TLN2: variants seen among roughly 807,000 people sequenced by gnomAD.
The protein encoded by TLN2 is talin-2.
Under a neutral mutation model 294.7 loss-of-function variants are expected in TLN2, and 118 were observed. The observed-to-expected ratio is 0.40, with a 90% CI of 0.34 to 0.47. TLN2 has a LOEUF of 0.47. TLN2 is among the 20% of genes least tolerant of loss of function. The probability of loss-of-function intolerance (pLI) is 0.84; values close to 1 mark genes in which losing one functional copy is unlikely to be tolerated. For synonymous variants in TLN2, 1,431 were observed against 1,304.5 expected, an observed-to-expected ratio of 1.10 and a Z score of -2.09; for missense variants, 3,083 against 3,282.2, an observed-to-expected ratio of 0.94 and a Z score of 1.48.
At chr15:62,509,952 A>C (rs1261637340) in intron 1 of TLN2, among the ~76,000 whole-genome samples, 1 of 152,264 alleles carries the variant, frequency 6.6e-6, no homozygotes, top group Non-Finnish European at 1.5e-5. Context: ...TAAGGATATT[A>C]GTTTCAAATT....
chr15:62,570,791 T>G (rs1444819141), intron 1 of TLN2, among the ~76,000 whole-genome samples: 1 of 152,202 alleles, frequency 6.6e-6, no homozygotes, highest in Non-Finnish European at 1.5e-5. Flanking sequence ...ACTGAATGTC[T>G]CCTGCATGGG....
intron 3 of TLN2, among the ~76,000 whole-genome samples, chr15:62,621,981 G>A (rs2048873617): frequency 6.8e-6 from 1 of 147,184 alleles, no homozygotes; most frequent in Non-Finnish European, 1.5e-5. Flanking sequence ...GCACATTTAG[G>A]AAAATCTTGC....
At chr15:62,597,874 C>A (rs185996408) in intron 2 of TLN2, among the ~76,000 whole-genome samples, 58 of 152,236 alleles carry the variant, frequency 3.8e-4, no homozygotes, top group Admixed American at 2.2e-3. Flanking sequence ...CAAAGTTTTA[C>A]TGTATGTTGA....
chr15:62,391,360 G>A (rs2032072286), intron 1 of TLN2, among the ~76,000 whole-genome samples: 1 of 152,242 alleles, frequency 6.6e-6, no homozygotes, highest in Non-Finnish European at 1.5e-5. Context: ...GGCCGAGAGC[G>A]GGGCCAGGCT....
intron 44 of TLN2, among the ~76,000 whole-genome samples, 199 bp downstream of exon 44, chr15:62,781,440 T>A (rs4774450): frequency 0.98 from 149,609 of 152,276 alleles, 73,542 homozygotes; most frequent in Middle Eastern, 1. Flanking sequence ...TGCAGTTCTT[T>A]TCTCATGAAA....
chr15:62,837,059 TGTAA>T (rs772774890), intron 57 of TLN2, among the ~76,000 whole-genome samples: 3 of 152,250 alleles, frequency 2.0e-5, no homozygotes, highest in Non-Finnish European at 4.4e-5. Context: ...ATTTTTTTAT[TGTAA>T]GTGTTAAAAT....
chr15:62,831,372 T>C (rs2068828418), intron 54 of TLN2: 1 of 152,116 alleles, frequency 6.6e-6, no homozygotes, highest in Non-Finnish European at 1.5e-5. Context: ...TCAAAAATTC[T>C]GTGATTTCCC....
At chr15:62,732,500 A>G (rs1330232052) in intron 28 of TLN2, among the ~76,000 whole-genome samples, 1 of 152,212 alleles carries the variant, frequency 6.6e-6, no homozygotes, top group Non-Finnish European at 1.5e-5. Context: ...TCAGATCCTA[A>G]AGGGCCTCAT....
At position 62,655,982 on chromosome 15, in the gene TLN2, G is replaced by A; in HGVS notation, c.556G>A (p.Gly186Arg). 6.2e-7 allele frequency: 1 copy of A among 1,614,206 alleles called. No homozygotes were observed. Among genetic ancestry groups the A allele is most frequent in the Non-Finnish European group, 8.5e-7 (1 of 1,180,032 alleles). Residue 186 changes from glycine to arginine, a missense_variant, in exon 8 of 59, where the codon GGA becomes AGA. Physicochemically the swap from Gly to Arg is moderately radical, Grantham distance 125 (BLOSUM62 -2). Transcript: ENST00000636159. ...TCACAGCCGAACATTCAGAGAACAA[G>A]GAGTAGATGAAAACGAAACGTTGCT... ...LDHSRTFREQ[G>R]VDENETLLLR... is the part of the protein sequence containing the mutation.
intron 54 of TLN2, chr15:62,830,738 GAC>G (rs1313577057): frequency 6.6e-6 from 1 of 152,168 alleles, no homozygotes; most frequent in Non-Finnish European, 1.5e-5. Context: ...GGAAAATAGG[GAC>G]ACAGCAGTCA....
At chr15:62,475,841 TCAGA>T (rs1419585850) in intron 1 of TLN2, among the ~76,000 whole-genome samples, 1 of 152,006 alleles carries the variant, frequency 6.6e-6, no homozygotes, top group Non-Finnish European at 1.5e-5. Context: ...CAGTTAGGAG[TCAGA>T]CAGAGTAAGA....
intron 14 of TLN2, among the ~76,000 whole-genome samples, chr15:62,696,317 C>T (rs1186658515): frequency 6.6e-6 from 1 of 152,234 alleles, no homozygotes; most frequent in East Asian, 1.9e-4. Flanking sequence ...GTCCACTGGG[C>T]TTCTGAGGAA....
At chr15:62,701,843 G>A (rs896628903) in intron 17 of TLN2, 149 bp from the exon 18 acceptor site, 1 of 854,852 alleles carries the variant, frequency 1.2e-6, no homozygotes, top group Non-Finnish European at 1.8e-6. Flanking sequence ...CGGAGACAGG[G>A]AGCAGGCCAG....
chr15:62,427,781 G>T (rs1178497224), intron 1 of TLN2, among the ~76,000 whole-genome samples: 1 of 152,180 alleles, frequency 6.6e-6, no homozygotes, highest in African/African-American at 2.4e-5. Flanking sequence ...AGCTTTGGGG[G>T]TCTCTTCCTT....
chr15:62,458,937 A>C (rs918074372), intron 1 of TLN2, among the ~76,000 whole-genome samples: 1 of 151,802 alleles, frequency 6.6e-6, no homozygotes, highest in African/African-American at 2.4e-5. Flanking sequence ...TAGTGGCTAA[A>C]CCTCTATTTA....
chr15:62,544,630 G>A (rs1341529324), intron 1 of TLN2, among the ~76,000 whole-genome samples: 1 of 152,024 alleles, frequency 6.6e-6, no homozygotes, highest in African/African-American at 2.4e-5. Context: ...TGGCTTATCT[G>A]CCACTGCGCC....
Position 62,409,126 on chromosome 15 carries a change from A to G in TLN2, c.-238+18441A>G, listed in dbSNP as rs142522883. On this transcript the variant is annotated intron_variant, in intron 1 of 58. Transcript: ENST00000636159. ...CTAAGTAGCTGGGACCACAGGTGGCACCACCATGACTGACTGTTGGGGATT... is the reference window on the plus strand; with the variant it reads ...CTAAGTAGCTGGGACCACAGGTGGCGCCACCATGACTGACTGTTGGGGATT... Among the ~76,000 whole-genome samples the G allele has an allele frequency of 1.2e-3, 184 of 150,832 alleles. 6 individuals carry two copies. The East Asian group carries it at 0.032, about 26-fold the overall frequency.
intron 1 of TLN2, among the ~76,000 whole-genome samples, chr15:62,571,397 C>T (rs2043848727): frequency 6.6e-6 from 1 of 152,232 alleles, no homozygotes; most frequent in Non-Finnish European, 1.5e-5. Context: ...GCACTTTTTA[C>T]AGCCAGCCAG....
intron 54 of TLN2, chr15:62,829,112 AT>A (rs1400137424): frequency 6.7e-6 from 1 of 148,744 alleles, no homozygotes; most frequent in Admixed American, 6.7e-5. Context: ...TTTCTTTAAA[AT>A]TTTTTTCTGT....
Sources: allele counts gnomAD v4.1 joint callset (sites outside exome capture counted in the v4.1 genomes callset), GRCh38; gene constraint gnomAD v4.1.1; transcripts MANE v1.5; gene names NCBI Gene and HGNC (gene_info 2026-07-23, HGNC 2026-07-21).